The following ZSCAN25 variants were observed in gnomAD, a reference collection of about 807,000 sequenced individuals.
ZSCAN25 encodes zinc finger and SCAN domain containing 25.
A neutral mutation model predicts 38.7 loss-of-function variants in ZSCAN25; 27 were observed. The ratio of observed to expected loss-of-function variants is 0.70; its 90% CI spans 0.51 to 0.96. The LOEUF is 0.96. ZSCAN25 is among the 40% of genes least tolerant of loss of function. The pLI is 0.00. For synonymous variants in ZSCAN25, 273 were observed against 277.7 expected (o/e 0.98, Z 0.17); for missense variants, 637 against 705.9 (o/e 0.90, Z 1.11).
chr7:99,662,031 TTGAGA>T, the ZSCAN25 span, among the ~76,000 whole-genome samples: 1 of 152,222 alleles, frequency 6.6e-6, no homozygotes, highest in Non-Finnish European at 1.5e-5. This position sits in a 1 kb window ranked among gnomAD's most constrained non-coding sequence, Gnocchi z 4.3. Context: ...GCAAGTTTTG[TTGAGA>T]TAGATAGATG....
the ZSCAN25 span, chr7:99,665,263 C>T: frequency 1.9e-6 from 3 of 1,614,150 alleles, no homozygotes; most frequent in Non-Finnish European, 2.5e-6. Context: ...AGTCGATGTT[C>T]ACTCCAAATG....
chr7:99,664,130 T>C, the ZSCAN25 span: 1 of 1,515,798 alleles, frequency 6.6e-7, no homozygotes, highest in Non-Finnish European at 8.9e-7. Flanking sequence ...AAGGAAATCA[T>C]TGAAAATGCA....
At chr7:99,718,237 C>A in the ZSCAN25 span, among the ~76,000 whole-genome samples, 1 of 151,968 alleles carries the variant, frequency 6.6e-6, no homozygotes, top group Non-Finnish European at 1.5e-5. Flanking sequence ...CAAACCTGCA[C>A]GTTGTGCACA....
chr7:99,722,370 TATTTC>T, the ZSCAN25 span: 1 of 1,612,350 alleles, frequency 6.2e-7, no homozygotes, highest in Non-Finnish European at 8.5e-7. Flanking sequence ...AACAAAATAA[TATTTC>T]ATTATTATTT....
chr7:99,636,348 C>A (rs970805241), downstream of ZSCAN25, among the ~76,000 whole-genome samples: 7 of 152,134 alleles, frequency 4.6e-5, no homozygotes, highest in Admixed American at 3.9e-4. Context: ...ATCTTGAAAT[C>A]AAAAATCCCT....
the ZSCAN25 span, chr7:99,647,537 CTGTGTT>C: frequency 1.0e-6 from 1 of 985,352 alleles, no homozygotes; most frequent in South Asian, 4.7e-5. Context: ...AACATGTTTC[CTGTGTT>C]CCAGAAATGT....
the ZSCAN25 span, among the ~76,000 whole-genome samples, chr7:99,701,042 A>G: frequency 6.6e-6 from 1 of 152,286 alleles, no homozygotes; most frequent in South Asian, 2.1e-4. Flanking sequence ...AGAACACCCA[A>G]CCACCCTGTG....
chr7:99,691,631 C>A, the ZSCAN25 span, among the ~76,000 whole-genome samples: 1 of 152,032 alleles, frequency 6.6e-6, no homozygotes, highest in East Asian at 1.9e-4. Context: ...TTGAATTGAT[C>A]CCTTTATCAT....
chr7:99,724,292 G>GTCT, the ZSCAN25 span, among the ~76,000 whole-genome samples: 1 of 152,248 alleles, frequency 6.6e-6, no homozygotes, highest in Non-Finnish European at 1.5e-5. Context: ...ATACAAACTG[G>GTCT]ACAATGGTTC....
the ZSCAN25 span, among the ~76,000 whole-genome samples, chr7:99,707,282 GC>G: frequency 6.6e-6 from 1 of 152,138 alleles, no homozygotes; most frequent in Non-Finnish European, 1.5e-5. Context: ...TTCCACCTTG[GC>G]TTCACATGAG....
chr7:99,624,541 C>T, intron 7 of ZSCAN25: 2 of 242,942 alleles, frequency 8.2e-6, no homozygotes, highest in South Asian at 1.3e-4. Context: ...GTGCTCCCTG[C>T]ATGTGGGCCC....
chr7:99,674,459 C>T, the ZSCAN25 span: 7 of 1,191,560 alleles, frequency 5.9e-6, no homozygotes, highest in Non-Finnish European at 8.6e-6. Flanking sequence ...AAGACCTGGG[C>T]AGAGACTATC....
the ZSCAN25 span, among the ~76,000 whole-genome samples, chr7:99,673,712 A>G: frequency 6.6e-6 from 1 of 152,232 alleles, no homozygotes; most frequent in Non-Finnish European, 1.5e-5. Context: ...AAGTGAATCA[A>G]TGTGGGAAGG....
the ZSCAN25 span, among the ~76,000 whole-genome samples, chr7:99,648,668 T>C: frequency 4.6e-5 from 7 of 151,984 alleles, no homozygotes; most frequent in African/African-American, 1.7e-4. Context: ...ACTCGTGTTT[T>C]TTTTTTTTTA....
At chr7:99,721,060 A>G in the ZSCAN25 span, 4 of 152,840 alleles carry the variant, frequency 2.6e-5, no homozygotes, top group African/African-American at 9.7e-5. Flanking sequence ...CACCTCTTCC[A>G]CCGCTCTTGC....
At chr7:99,680,469 A>C in the ZSCAN25 span, among the ~76,000 whole-genome samples, 1 of 152,138 alleles carries the variant, frequency 6.6e-6, no homozygotes, top group African/African-American at 2.4e-5. Context: ...CCCCTCACAC[A>C]GTCCTATTGT....
the ZSCAN25 span, among the ~76,000 whole-genome samples, chr7:99,724,911 C>G: frequency 6.6e-6 from 1 of 152,250 alleles, no homozygotes; most frequent in East Asian, 1.9e-4. Context: ...CTGACCTCCC[C>G]CCTCTCCCCA....
the ZSCAN25 span, among the ~76,000 whole-genome samples, chr7:99,694,341 A>G: frequency 1.3e-5 from 2 of 152,176 alleles, no homozygotes; most frequent in African/African-American, 4.8e-5. Flanking sequence ...AGATTTAGAT[A>G]AGTCTGAGGC....
the ZSCAN25 span, among the ~76,000 whole-genome samples, chr7:99,725,613 G>A: frequency 2.2e-4 from 34 of 152,350 alleles, no homozygotes; most frequent in Non-Finnish European, 3.1e-4. Context: ...TGCCCTGTCT[G>A]TGTGGGCTCC....
Sources: allele counts gnomAD v4.1 joint callset (sites outside exome capture counted in the v4.1 genomes callset), GRCh38; gene constraint gnomAD v4.1.1; non-coding constraint Gnocchi (gnomAD v3.1); transcripts MANE v1.5; gene names NCBI Gene and HGNC (gene_info 2026-07-23, HGNC 2026-07-21).